Variants in PPP2R5C observed in about 807,000 individuals in gnomAD.
PPP2R5C encodes the protein serine/threonine-protein phosphatase 2A 56 kDa regulatory subunit gamma isoform.
A neutral mutation model predicts 68.9 loss-of-function variants in PPP2R5C; 7 were observed. That is an observed-to-expected ratio of 0.10 (90% CI 0.06 to 0.19). The LOEUF is 0.19. Among genes scored for constraint, PPP2R5C ranks in the 10% least tolerant of loss-of-function variants. The pLI, the probability that PPP2R5C is intolerant of heterozygous loss-of-function variation, is 1.00. For missense variants in PPP2R5C, 348 were observed against 641.3 expected (o/e 0.54, Z 4.94); for synonymous variants, 210 against 222.2 (o/e 0.95, Z 0.49).
intron 1 of PPP2R5C, among the ~76,000 whole-genome samples, chr14:101,832,899 A>G (rs1437098438): frequency 6.6e-6 from 1 of 152,210 alleles, no homozygotes; most frequent in African/African-American, 2.4e-5. Context: ...GACCTCCAGC[A>G]AGTATTGAAC....
chr14:101,907,313 G>T (rs2046090867), intron 10 of PPP2R5C, among the ~76,000 whole-genome samples: 1 of 151,956 alleles, frequency 6.6e-6, no homozygotes, highest in South Asian at 2.1e-4. Context: ...TGGGACTACA[G>T]GCACCCACCG....
At chr14:101,836,336 A>G (rs1450439055) in intron 1 of PPP2R5C, 2 of 701,412 alleles carry the variant, frequency 2.9e-6, no homozygotes, top group Admixed American at 2.0e-5. Flanking sequence ...TTCTTCCTCT[A>G]CTCCCGACCT....
Position 101,893,121 on chromosome 14 carries a change from A to G in PPP2R5C, c.798+13A>G, listed in dbSNP as rs377505337. 84 of 1,524,020 alleles carry G rather than the reference A, an allele frequency of 5.5e-5. No individual in the cohort carries two copies. The highest frequency in any genetic ancestry group is 7.3e-5 in the Non-Finnish European group (80 of 1,098,588). The allele number at this position is 1,524,020 out of a possible 1,614,324, so 94.4% of individuals were successfully genotyped here. A position where few individuals can be genotyped will look rare whatever the true frequency, so the allele number is the denominator to read the frequency against. ...CTACCATCCCCAGGTAAGGGGCAGC[A>G]GGACTCTAGGAACACAGCTGTTGGC... On this transcript the variant is annotated intron_variant, in intron 7 of 13. Transcript: ENST00000334743.
exon 14 of PPP2R5C, chr14:101,925,894 G>A (rs1204183154): frequency 6.6e-6 from 1 of 152,552 alleles, no homozygotes; most frequent in African/African-American, 2.4e-5. Flanking sequence ...CTTCTCTTGT[G>A]TGTACCTAAA....
rs1481672853 is a variant in PPP2R5C, at chr14:101,913,903, C to T, written c.1326+1430C>T. 1.3e-5 allele frequency among the ~76,000 whole-genome samples: 2 copies of T among 151,928 alleles called. No homozygotes were observed. Among genetic ancestry groups the T allele is most frequent in the Non-Finnish European group, 2.9e-5 (2 of 67,972 alleles). ...ACACACACACACAAACACACACACA[C>T]GAATCAGAAGGTCTGATTTTATGTA... On this transcript the variant is annotated intron_variant, in intron 12 of 13. Coordinates refer to ENST00000334743, the Ensembl canonical transcript of PPP2R5C. The surrounding 1 kb of genome is among the most constrained non-coding windows in gnomAD (Gnocchi z 4.1).
At chr14:101,796,268 A>G (rs2038604005) in intron 3 of PPP2R5C, among the ~76,000 whole-genome samples, 1 of 152,208 alleles carries the variant, frequency 6.6e-6, no homozygotes, top group Admixed American at 6.5e-5. Context: ...AAGTTATCGG[A>G]GTGCCTGCTG....
chr14:101,925,462 T>G, exon 14 of PPP2R5C: 2 of 1,013,824 alleles, frequency 2.0e-6, no homozygotes, highest in South Asian at 1.9e-5. Context: ...CAGAGCCCGC[T>G]GGCAGAGCCG....
chr14:101,924,445 C>CTTTTTTTTT lies in PPP2R5C; in HGVS notation c.1444-692_1444-684dup, dbSNP rs11325673. 3.7e-4 allele frequency among the ~76,000 whole-genome samples: 31 copies of CTTTTTTTTT among 84,536 alleles called. 8 individuals carry two copies. The highest frequency in any genetic ancestry group is 4.3e-4 in the African/African-American group (10 of 23,064). 55.5% of individuals were successfully genotyped at this position (84,536 alleles called of 152,430 possible). A position where few individuals can be genotyped will look rare whatever the true frequency, so the allele number is the denominator to read the frequency against. On this transcript the variant is annotated intron_variant, in intron 13 of 13. Coordinates refer to ENST00000334743, the Ensembl canonical transcript of PPP2R5C. ...TTTACCTCCAAGGAAATTTCTACAT[C>CTTTTTTTTT]TTTTTTTTTTTTGAGATGGAGTCTG... is the stretch of plus-strand genomic sequence containing the variant.
intron 3 of PPP2R5C, among the ~76,000 whole-genome samples, chr14:101,799,070 T>G (rs1267389132): frequency 1.3e-5 from 2 of 152,170 alleles, no homozygotes; most frequent in Non-Finnish European, 2.9e-5. Context: ...GTACATTTGA[T>G]GGAACACCTG....
chr14:101,880,200 C>A (rs1476557727), intron 2 of PPP2R5C, among the ~76,000 whole-genome samples: 2 of 152,226 alleles, frequency 1.3e-5, no homozygotes, highest in Non-Finnish European at 2.9e-5. Context: ...GGTTAACTCT[C>A]GGTTTTAGAT....
intron 8 of PPP2R5C, 32 bp downstream of exon 10, chr14:101,894,592 T>C: frequency 1.3e-6 from 2 of 1,587,638 alleles, no homozygotes; most frequent in Non-Finnish European, 1.7e-6. Context: ...TCTTGTAAGA[T>C]GTGTGCATTT....
chr14:101,914,075 G>T (rs992844108), intron 12 of PPP2R5C: 2 of 443,786 alleles, frequency 4.5e-6, no homozygotes, highest in African/African-American at 4.0e-5. Flanking sequence ...AATACGTATT[G>T]TTCTCTTTTT....
At chr14:101,907,646 G>A (rs528492057) in intron 10 of PPP2R5C, among the ~76,000 whole-genome samples, 55 of 152,322 alleles carry the variant, frequency 3.6e-4, no homozygotes, top group African/African-American at 1.2e-3. Context: ...GGGTGAGGAA[G>A]GTGAGACTTG....
intron 12 of PPP2R5C, chr14:101,914,158 G>A (rs557415720): frequency 2.4e-5 from 11 of 455,932 alleles, no homozygotes; most frequent in Non-Finnish European, 4.0e-5. Flanking sequence ...CTTTGCAAAC[G>A]TCTGTGGTGG....
In PPP2R5C at chr14:101,915,399, C is replaced by G. The variant is rs566585505; in HGVS notation, c.1327-2432C>G. ...CTGGCCTTCAGTGAAGGTTTTTATTCCTAGTCAGAACCCTCTCCTGCCAGT... is the reference window on the plus strand; with the variant it reads ...CTGGCCTTCAGTGAAGGTTTTTATTGCTAGTCAGAACCCTCTCCTGCCAGT... On this transcript the variant is annotated intron_variant, in intron 12 of 13. Coordinates refer to ENST00000334743, the Ensembl canonical transcript of PPP2R5C. The surrounding 1 kb of genome is among the most constrained non-coding windows in gnomAD (Gnocchi z 4.2). Among the ~76,000 whole-genome samples, 23 of 152,230 alleles carry G rather than the reference C, an allele frequency of 1.5e-4. No individual in the cohort carries two copies. Among genetic ancestry groups the G allele is most frequent in the African/African-American group, 5.5e-4 (23 of 41,554 alleles).
At chr14:101,907,809 C>T (rs2046136715) in intron 10 of PPP2R5C, among the ~76,000 whole-genome samples, 1 of 152,200 alleles carries the variant, frequency 6.6e-6, no homozygotes, top group Non-Finnish European at 1.5e-5. Context: ...CCCATGCACC[C>T]TCTCTCCTTG....
Position 101,885,621 on chromosome 14 carries a change from G to A in PPP2R5C, c.629+2059G>A, listed in dbSNP as rs189497214. 2.6e-3 allele frequency among the ~76,000 whole-genome samples: 391 copies of A among 152,328 alleles called. 4 individuals are homozygous for A. Among genetic ancestry groups the A allele is most frequent in the African/African-American group, 8.6e-3 (357 of 41,558 alleles). ...TCGGCGTGAGAGCCTTTGATTTTGC[G>A]TGTGGCTTTCCTTTGAACTCCTTCC... is the stretch of plus-strand genomic sequence containing the variant. On this transcript the variant is annotated intron_variant, in intron 5 of 13. Coordinates refer to ENST00000334743, the Ensembl canonical transcript of PPP2R5C.
At chr14:101,762,956 A>G in exon 2 of PPP2R5C, 1 of 1,578,098 alleles carries the variant, frequency 6.3e-7, no homozygotes, top group Non-Finnish European at 8.6e-7. Context: ...AGGACAAGAC[A>G]CAGTAGAATC....
chr14:101,837,443 G>A (rs7159905), intron 1 of PPP2R5C, among the ~76,000 whole-genome samples: 13,529 of 152,158 alleles, frequency 0.089, 693 homozygotes, highest in Admixed American at 0.14. Context: ...CACCGTGCCC[G>A]ACCCTCATGG....
Sources: allele counts gnomAD v4.1 joint callset (sites outside exome capture counted in the v4.1 genomes callset), GRCh38; gene constraint gnomAD v4.1.1; non-coding constraint Gnocchi (gnomAD v3.1); transcripts MANE v1.5; gene names NCBI Gene and HGNC (gene_info 2026-07-23, HGNC 2026-07-21).